The following XKR9 variants were observed in gnomAD, a reference collection of about 807,000 sequenced individuals.
XKR9 encodes XK related 9.
In XKR9, 32 loss-of-function variants were observed where a neutral mutation model predicts 32.0. The ratio of observed to expected loss-of-function variants is 1.00; its 90% CI spans 0.76 to 1.34. XKR9 has a LOEUF of 1.34. XKR9 is among the 40% of genes most tolerant of loss of function. XKR9 has a pLI of 0.00. For synonymous variants in XKR9, 168 were observed against 143.4 expected (o/e 1.17, Z -1.22); for missense variants, 546 against 429.7 (o/e 1.27, Z -2.39).
downstream of XKR9, among the ~76,000 whole-genome samples, chr8:70,737,056 G>A (rs190051159): frequency 6.6e-3 from 998 of 151,724 alleles, 5 homozygotes; most frequent in Middle Eastern, 0.048. Context: ...AATTACCTTC[G>A]GCAGTATGGC....
At chr8:70,760,144 T>G (rs1196820362) in intron 2 of XKR9, among the ~76,000 whole-genome samples, 1 of 152,246 alleles carries the variant, frequency 6.6e-6, no homozygotes, top group Non-Finnish European at 1.5e-5. Context: ...GTCATCATTC[T>G]GTAGCTATTT....
chr8:70,876,171 A>T, the XKR9 span, among the ~76,000 whole-genome samples: 1 of 152,040 alleles, frequency 6.6e-6, no homozygotes, highest in Non-Finnish European at 1.5e-5. Flanking sequence ...TGGATGCAGC[A>T]AGTAGGAACC....
downstream of XKR9, among the ~76,000 whole-genome samples, chr8:70,793,472 C>A (rs757294190): frequency 2.6e-5 from 4 of 152,062 alleles, no homozygotes; most frequent in Non-Finnish European, 5.9e-5. Context: ...TGCACTTGGC[C>A]ATCTTGGCAC....
chr8:71,036,108 C>T, the XKR9 span, among the ~76,000 whole-genome samples: 1 of 152,138 alleles, frequency 6.6e-6, no homozygotes, highest in Non-Finnish European at 1.5e-5. Flanking sequence ...TCTGAAGGCT[C>T]CTGTGCCATG....
At chr8:70,978,456 C>G in the XKR9 span, among the ~76,000 whole-genome samples, 2 of 152,234 alleles carry the variant, frequency 1.3e-5, no homozygotes, top group African/African-American at 4.8e-5. Context: ...TCAGCATTTG[C>G]TTGTCTGTAA....
At chr8:70,807,539 C>T in the XKR9 span, among the ~76,000 whole-genome samples, 1 of 152,058 alleles carries the variant, frequency 6.6e-6, no homozygotes, top group Non-Finnish European at 1.5e-5. Flanking sequence ...CAAAGACACA[C>T]AGGGGCTCAG....
At chr8:70,745,079 C>G (rs903380507) in intron 2 of XKR9, among the ~76,000 whole-genome samples, 3 of 149,972 alleles carry the variant, frequency 2.0e-5, no homozygotes, top group Non-Finnish European at 4.5e-5. Context: ...TACTAAGGAG[C>G]TTGAATGCTA....
chr8:70,777,740 G>A (rs1288361527), intron 2 of XKR9, among the ~76,000 whole-genome samples: 1 of 152,032 alleles, frequency 6.6e-6, no homozygotes, highest in Non-Finnish European at 1.5e-5. Context: ...ATGTCTCTTG[G>A]CTGCATAAAT....
At chr8:70,945,337 G>A in the XKR9 span, among the ~76,000 whole-genome samples, 1 of 152,172 alleles carries the variant, frequency 6.6e-6, no homozygotes, top group Non-Finnish European at 1.5e-5. Context: ...ATGATGATCA[G>A]TGGATTTATA....
the XKR9 span, among the ~76,000 whole-genome samples, chr8:70,875,793 A>G: frequency 0.035 from 5,360 of 152,324 alleles, 146 homozygotes; most frequent in South Asian, 0.079. Context: ...GCATTCCTAA[A>G]GACGAAAATT....
intron 4 of XKR9, among the ~76,000 whole-genome samples, chr8:70,726,643 G>A (rs1391328562): frequency 6.6e-6 from 1 of 152,182 alleles, no homozygotes; most frequent in African/African-American, 2.4e-5. Context: ...TCAAAGCAAT[G>A]GCTACCAAGA....
At chr8:70,955,114 C>G in the XKR9 span, among the ~76,000 whole-genome samples, 1 of 152,188 alleles carries the variant, frequency 6.6e-6, no homozygotes, top group Non-Finnish European at 1.5e-5. Context: ...CAACTTCACC[C>G]GTGACTTCTG....
At chr8:70,887,103 T>C in the XKR9 span, among the ~76,000 whole-genome samples, 3 of 152,088 alleles carry the variant, frequency 2.0e-5, no homozygotes, top group Admixed American at 2.0e-4. Flanking sequence ...TTTTGTGTAA[T>C]GTTTAAGGAA....
chr8:70,952,393 T>A, the XKR9 span, among the ~76,000 whole-genome samples: 2 of 152,214 alleles, frequency 1.3e-5, no homozygotes, highest in Non-Finnish European at 2.9e-5. Context: ...CTGTTATTTC[T>A]TTATATTAAC....
intron 4 of XKR9, among the ~76,000 whole-genome samples, chr8:70,719,157 AT>A (rs202147017): frequency 0.013 from 1,926 of 148,748 alleles, 21 homozygotes; most frequent in Non-Finnish European, 0.02. Flanking sequence ...TTTTGATGGG[AT>A]TTTTTTTTCT....
rs1464890404 is a variant in XKR9, at chr8:70,734,570, T to C, written c.*146T>C. The C allele has an allele frequency of 1.8e-6, 2 of 1,082,688 alleles. No individual in the cohort carries two copies. Among genetic ancestry groups the C allele is most frequent in the Admixed American group, 8.1e-5 (2 of 24,800 alleles). 67.1% of individuals were successfully genotyped at this position (1,082,688 alleles called of 1,614,324 possible). A position where few individuals can be genotyped will look rare whatever the true frequency, so the allele number is the denominator to read the frequency against. Reference sequence around the variant, plus strand: ...GAAATAGGAGATACATAGTAGTATTTTATTTTTAAAATTAATTTCTCATTT... The same window carrying C: ...GAAATAGGAGATACATAGTAGTATTCTATTTTTAAAATTAATTTCTCATTT... On this transcript the variant is annotated 3_prime_UTR_variant, in exon 5 of 5. Coordinates refer to ENST00000408926, the MANE Select transcript of XKR9 (RefSeq NM_001011720.2).
the XKR9 span, among the ~76,000 whole-genome samples, chr8:70,807,251 G>C: frequency 6.6e-6 from 1 of 152,144 alleles, no homozygotes; most frequent in East Asian, 1.9e-4. Flanking sequence ...CCTTGCAAGA[G>C]CTCCTGAAAA....
At chr8:70,725,498 C>T (rs1004828133) in intron 4 of XKR9, among the ~76,000 whole-genome samples, 6 of 151,968 alleles carry the variant, frequency 3.9e-5, no homozygotes, top group Admixed American at 3.3e-4. Context: ...ATAGTGATTT[C>T]TTCTGGGGGT....
chr8:70,756,249 T>G (rs1807224712), intron 2 of XKR9, among the ~76,000 whole-genome samples: 1 of 152,254 alleles, frequency 6.6e-6, no homozygotes, highest in South Asian at 2.1e-4. Flanking sequence ...TTGTCAGTAC[T>G]ACACTGTTGA....
Sources: allele counts gnomAD v4.1 joint callset (sites outside exome capture counted in the v4.1 genomes callset), GRCh38; gene constraint gnomAD v4.1.1; transcripts MANE v1.5; gene names NCBI Gene and HGNC (gene_info 2026-07-23, HGNC 2026-07-21).